Variants in FNDC7 observed in about 807,000 individuals in gnomAD.
FNDC7 encodes the protein fibronectin type III domain containing 7.
FNDC7 carries 66 observed loss-of-function variants against 74.2 expected under a neutral mutation model. The observed-to-expected ratio is 0.89, with a 90% CI of 0.73 to 1.09. FNDC7 has a LOEUF of 1.09. Ranked by LOEUF, FNDC7 falls within the 50% of genes least tolerant of loss-of-function variation. The pLI is 0.00. For synonymous variants in FNDC7, 307 were observed against 330.2 expected, an observed-to-expected ratio of 0.93 and a Z score of 0.76; for missense variants, 829 against 893.4, an observed-to-expected ratio of 0.93 and a Z score of 0.92.
At position 108,727,979 on chromosome 1, in the gene FNDC7, G is replaced by A. The variant is rs916415114; in HGVS notation, c.1283G>A (p.Cys428Tyr). 6.2e-7 allele frequency: 1 copy of A among 1,614,154 alleles called. No individual in the cohort carries two copies. ...TPACTLSALE[C>Y]DTKYNITVYS... ...GCGTGCACCCTTTCGGCTCTAGAGT[G>A]TGACACCAAGTACAACATCACAGTG... The change falls in exon 7 of 13, where the codon TGT (cysteine) becomes TAT (tyrosine). Residue 428 changes from cysteine (C) to tyrosine (Y), a missense_variant. Coordinates refer to ENST00000370017, the MANE Select transcript of FNDC7 (RefSeq NM_001144937.3).
At position 108,717,958 on chromosome 1, in the gene FNDC7, G is replaced by A. The variant is rs1029006556; in HGVS notation, c.264G>A (p.Trp88Ter). 6.4e-7 allele frequency: 1 copy of A among 1,551,730 alleles called. No individual in the cohort carries two copies. Residue 88 changes from tryptophan to a stop codon, truncating the protein, a stop_gained, in exon 3 of 13, where the codon TGG becomes TGA. Transcript: ENST00000370017. LOFTEE classifies it high-confidence loss of function. ...TGACGGGACTAAAGGCTGCAACCTG[G>A]TATGAAATCACCATCAGATCCATCA... ...GTVTGLKAAT[W>*]YEITIRSISA...
intron 8 of FNDC7, 82 bp downstream of exon 8, chr1:108,728,968 T>C: frequency 6.6e-7 from 1 of 1,524,806 alleles, no homozygotes; most frequent in Non-Finnish European, 8.9e-7. Flanking sequence ...CCTTATTTAA[T>C]CTACCCTCAG....
chr1:108,713,362 T>C (rs1001882400), intron 1 of FNDC7, 149 bp from the exon 2 acceptor site: 26 of 696,762 alleles, frequency 3.7e-5, no homozygotes, highest in Admixed American at 8.2e-5. Context: ...AAATGATTTG[T>C]GTGGAGAAAT....
At chr1:108,732,700 C>T (rs1203365196) in intron 9 of FNDC7, among the ~76,000 whole-genome samples, 1 of 151,908 alleles carries the variant, frequency 6.6e-6, no homozygotes, top group Non-Finnish European at 1.5e-5. Context: ...CTCTCTCTCT[C>T]TCTTTCTTTC....
intron 8 of FNDC7, among the ~76,000 whole-genome samples, chr1:108,730,205 C>G (rs986659103): frequency 1.3e-5 from 2 of 151,828 alleles, no homozygotes; most frequent in Admixed American, 1.3e-4. Flanking sequence ...GGTGAAACCC[C>G]ATCTCTACTG....
chr1:108,722,686 A>G (rs1661120971), intron 5 of FNDC7, 94 bp downstream of exon 5: 2 of 1,327,380 alleles, frequency 1.5e-6, no homozygotes, highest in Middle Eastern at 2.7e-4. Context: ...ACTCTGGAAA[A>G]AATGAAAATG....
chr1:108,729,088 T>A (rs1661284804), intron 8 of FNDC7, among the ~76,000 whole-genome samples: 1 of 152,190 alleles, frequency 6.6e-6, no homozygotes, highest in Non-Finnish European at 1.5e-5. Context: ...GACTAGTATA[T>A]CCATTCACTG....
chr1:108,725,164 ACAGATAAACCCC>A (rs1661182914), intron 5 of FNDC7, among the ~76,000 whole-genome samples: 1 of 152,164 alleles, frequency 6.6e-6, no homozygotes, highest in Non-Finnish European at 1.5e-5. Flanking sequence ...TGGAGGCTTT[ACAGATAAACCCC>A]CAGAAAGACC....
intron 11 of FNDC7, among the ~76,000 whole-genome samples, chr1:108,740,793 T>C (rs1661626286): frequency 6.6e-6 from 1 of 152,262 alleles, no homozygotes; most frequent in Non-Finnish European, 1.5e-5. Flanking sequence ...ATGTAAATTA[T>C]TGGACACAAT....
Position 108,718,936 on chromosome 1 carries a change from A to G in FNDC7, c.485A>G (p.Asn162Ser). Residue 162 changes from asparagine (N) to serine (S), a missense_variant, in exon 4 of 13, where the codon AAC (asparagine) becomes AGC (serine). Asn to Ser is a conservative substitution (Grantham distance 46). Coordinates refer to ENST00000370017, the MANE Select transcript of FNDC7 (RefSeq NM_001144937.3). ...AGTATATGGAAAGAGAATACTACAAACACCTCCTTGACATTCACCAGTTTA... is the reference window on the plus strand; with the variant it reads ...AGTATATGGAAAGAGAATACTACAAGCACCTCCTTGACATTCACCAGTTTA... ...LGSIWKENTTNTSLTFTSLEA... is the reference protein window; with the variant it reads ...LGSIWKENTTSTSLTFTSLEA... 2 of 1,551,756 alleles carry G rather than the reference A, an allele frequency of 1.3e-6. No individual in the cohort carries two copies. Among genetic ancestry groups the G allele is most frequent in the South Asian group, 2.4e-5 (2 of 84,064 alleles).
chr1:108,730,810 T>A lies in FNDC7; in HGVS notation c.1761T>A (p.Thr587=), dbSNP rs199603182. 1.9e-6 allele frequency: 3 copies of A among 1,614,152 alleles called. No individual in the cohort carries two copies. Among genetic ancestry groups the A allele is most frequent in the Non-Finnish European group, 2.5e-6 (3 of 1,180,020 alleles). Reference sequence around the variant, plus strand: ...ACACTGGACAGTCTAAGTGTCACACTCATCAAAACCACTGCCTCCTAGGAT... The same window carrying A: ...ACACTGGACAGTCTAAGTGTCACACACATCAAAACCACTGCCTCCTAGGAT... ...ESHTGQSKCH[T]HQNHCLLGCI... is the part of the protein sequence containing the mutation. Residue 587 remains threonine (T), a synonymous_variant, in exon 9 of 13, where the codon ACT becomes ACA. Transcript: ENST00000370017.
At chr1:108,732,388 G>A (rs991520584) in intron 9 of FNDC7, among the ~76,000 whole-genome samples, 19 of 151,458 alleles carry the variant, frequency 1.3e-4, no homozygotes, top group East Asian at 7.7e-4. Flanking sequence ...TGGATGAAGC[G>A]TGGACCAGCA....
At chr1:108,716,565 A>G (rs1570723461) in intron 2 of FNDC7, among the ~76,000 whole-genome samples, 1 of 152,096 alleles carries the variant, frequency 6.6e-6, no homozygotes, top group Non-Finnish European at 1.5e-5. Context: ...ATGTTCAAGG[A>G]ATGTCTGGCC....
chr1:108,731,526 T>C (rs1661353536), intron 9 of FNDC7, among the ~76,000 whole-genome samples: 1 of 152,236 alleles, frequency 6.6e-6, no homozygotes, highest in East Asian at 1.9e-4. Context: ...GATAAAACTC[T>C]TGAGGATGCT....
At position 108,712,970 on chromosome 1, in the gene FNDC7, G is replaced by A; in HGVS notation, c.37G>A (p.Gly13Arg). ...GGRETCLPLIGFILICLKMVA... is the reference protein window; with the variant it reads ...GGRETCLPLIRFILICLKMVA... ...ACGAGAGACATGTTTGCCTTTGATT[G>A]GATTCATTCTTATCTGTCTTAAAAT... The change falls in exon 1 of 13, where the codon GGA (glycine) becomes AGA (arginine). Residue 13 changes from glycine to arginine, a missense_variant. By Grantham distance (125) the Gly-to-Arg change is moderately radical. Transcript: ENST00000370017. 2 of 1,551,532 alleles carry A rather than the reference G, an allele frequency of 1.3e-6. No homozygotes were observed. Among genetic ancestry groups the A allele is most frequent in the East Asian group, 2.4e-5 (1 of 40,910 alleles).
rs1461413830 is a variant in FNDC7, at chr1:108,726,013, C to A, written c.1111+9C>A. The A allele has an allele frequency of 6.2e-7, 1 of 1,613,546 alleles. No individual in the cohort carries two copies. The highest frequency in any genetic ancestry group is 1.1e-5 in the South Asian group (1 of 91,024). On this transcript the variant is annotated intron_variant, in intron 6 of 12. Coordinates refer to ENST00000370017, the MANE Select transcript of FNDC7 (RefSeq NM_001144937.3). Reference sequence around the variant, plus strand: ...ATTCAATTATACCACAGGTAAGTCCCATTTGATGTTTGTTAAGGGAGTTCT... The same window carrying A: ...ATTCAATTATACCACAGGTAAGTCCAATTTGATGTTTGTTAAGGGAGTTCT...
At position 108,725,827 on chromosome 1, in the gene FNDC7, C is replaced by T. The variant is rs1441811147; in HGVS notation, c.934C>T (p.Leu312=). ...HLSVAWSSVD[L]GDYYVVFVKS... Reference sequence around the variant, plus strand: ...GTCTGTGGCTTGGTCCAGTGTAGATCTGGGTGACTACTATGTGGTCTTTGT... The same window carrying T: ...GTCTGTGGCTTGGTCCAGTGTAGATTTGGGTGACTACTATGTGGTCTTTGT... Residue 312 remains leucine, a synonymous_variant, in exon 6 of 13, where the codon CTG becomes TTG. Coordinates refer to ENST00000370017, the MANE Select transcript of FNDC7 (RefSeq NM_001144937.3). 3.1e-6 allele frequency: 5 copies of T among 1,614,014 alleles called. No individual in the cohort carries two copies. Among genetic ancestry groups the T allele is most frequent in the Non-Finnish European group, 3.4e-6 (4 of 1,180,008 alleles).
intron 5 of FNDC7, 28 bp downstream of exon 5, chr1:108,722,620 C>G: frequency 6.3e-7 from 1 of 1,591,366 alleles, no homozygotes; most frequent in Non-Finnish European, 8.6e-7. Flanking sequence ...AGACTGCTGT[C>G]GGGCTTGCAG....
At chr1:108,715,666 C>CGT (rs1473782479) in intron 2 of FNDC7, among the ~76,000 whole-genome samples, 6 of 90,886 alleles carry the variant, frequency 6.6e-5, no homozygotes, top group African/African-American at 1.4e-4. Context: ...CGTGCGTGCG[C>CGT]GCGCGCACAC....
Sources: allele counts gnomAD v4.1 joint callset (sites outside exome capture counted in the v4.1 genomes callset), GRCh38; gene constraint gnomAD v4.1.1; transcripts MANE v1.5; gene names NCBI Gene and HGNC (gene_info 2026-07-23, HGNC 2026-07-21).